DPP10: variants seen among roughly 807,000 people sequenced by gnomAD.
DPP10 encodes the protein dipeptidyl peptidase like 10.
Under a neutral mutation model 120.9 loss-of-function variants are expected in DPP10, and 33 were observed. That is an observed-to-expected ratio of 0.27 (90% CI 0.21 to 0.37). DPP10 has a LOEUF of 0.37. Ranked by LOEUF, DPP10 falls within the 10% of genes least tolerant of loss-of-function variation. The probability of loss-of-function intolerance (pLI) is 1.00; values close to 1 mark genes in which losing one functional copy is unlikely to be tolerated. For missense variants in DPP10, 816 were observed against 942.8 expected, an observed-to-expected ratio of 0.87 and a Z score of 1.76; for synonymous variants, 337 against 326.1, an observed-to-expected ratio of 1.03 and a Z score of -0.36.
At chr2:114,780,129 G>C (rs917075528) in intron 1 of DPP10, among the ~76,000 whole-genome samples, 13 of 151,936 alleles carry the variant, frequency 8.6e-5, no homozygotes, top group East Asian at 7.8e-4. Context: ...AAGCGAGACT[G>C]CGTCTCAAAA....
At chr2:114,913,535 T>G (rs1403293033) in intron 1 of DPP10, among the ~76,000 whole-genome samples, 2 of 152,172 alleles carry the variant, frequency 1.3e-5, no homozygotes, top group African/African-American at 2.4e-5. Flanking sequence ...GCCGATCATC[T>G]AAATTCGACT....
chr2:115,434,906 C>T (rs2104808913), intron 3 of DPP10, among the ~76,000 whole-genome samples: 1 of 151,830 alleles, frequency 6.6e-6, no homozygotes, highest in East Asian at 1.9e-4. Flanking sequence ...TTTTAGCTTC[C>T]ACATGAGTGA....
At chr2:115,560,507 A>AAATTATCT (rs1169487290) in intron 5 of DPP10, among the ~76,000 whole-genome samples, 2 of 136,694 alleles carry the variant, frequency 1.5e-5, no homozygotes, top group Non-Finnish European at 3.1e-5. Flanking sequence ...CAATCTTCAA[A>AAATTATCT]AATTATCTTG....
intron 19 of DPP10, among the ~76,000 whole-genome samples, chr2:115,807,113 C>A (rs1225761561): frequency 1.3e-5 from 2 of 152,152 alleles, no homozygotes; most frequent in African/African-American, 4.8e-5. Flanking sequence ...AAGAAAAGAT[C>A]ATCAAAGCCT....
intron 1 of DPP10, among the ~76,000 whole-genome samples, chr2:114,869,086 T>A (rs920844129): frequency 2.6e-5 from 4 of 152,116 alleles, no homozygotes; most frequent in Non-Finnish European, 2.9e-5. Context: ...TTATTTTATT[T>A]AAGAAGGATT....
intron 12 of DPP10, among the ~76,000 whole-genome samples, chr2:115,767,340 G>A (rs1680883405): frequency 6.6e-6 from 1 of 152,048 alleles, no homozygotes; most frequent in Non-Finnish European, 1.5e-5. Context: ...CCATATCAAA[G>A]CCTTTCTTTA....
At chr2:114,603,502 AG>A (rs1458812583) in intron 1 of DPP10, among the ~76,000 whole-genome samples, 7 of 152,082 alleles carry the variant, frequency 4.6e-5, no homozygotes, top group African/African-American at 1.7e-4. Context: ...CTCCAAACAT[AG>A]TACCTAAGAC....
intron 3 of DPP10, among the ~76,000 whole-genome samples, chr2:115,419,477 G>T (rs550287078): frequency 1.3e-5 from 2 of 152,068 alleles, no homozygotes; most frequent in Admixed American, 1.3e-4. Flanking sequence ...TTTCTAATGA[G>T]CTAGTAGAGG....
chr2:114,775,142 G>A (rs1681612232), intron 1 of DPP10, among the ~76,000 whole-genome samples: 1 of 152,066 alleles, frequency 6.6e-6, no homozygotes, highest in African/African-American at 2.4e-5. Flanking sequence ...CAATTAGAAG[G>A]TAAGAATTAT....
intron 5 of DPP10, among the ~76,000 whole-genome samples, chr2:115,620,156 T>C (rs2084838075): frequency 6.6e-6 from 1 of 152,218 alleles, no homozygotes; most frequent in African/African-American, 2.4e-5. Context: ...AACAGAGCGC[T>C]GGGCCAGGCT....
At chr2:114,961,027 A>G (rs1459740283) in intron 1 of DPP10, among the ~76,000 whole-genome samples, 1 of 124,376 alleles carries the variant, frequency 8.0e-6, no homozygotes, top group Non-Finnish European at 1.6e-5. Flanking sequence ...CTACATCTCT[A>G]TACGCCTTTT....
At chr2:115,177,411 C>T (rs1030008382) in intron 1 of DPP10, among the ~76,000 whole-genome samples, 7 of 152,076 alleles carry the variant, frequency 4.6e-5, no homozygotes, top group African/African-American at 4.8e-5. Context: ...TTGTTTAGTT[C>T]GGCAGTCGGT....
intron 3 of DPP10, among the ~76,000 whole-genome samples, chr2:115,374,000 T>A (rs1454158068): frequency 3.3e-5 from 5 of 151,976 alleles, no homozygotes; most frequent in African/African-American, 9.7e-5. Flanking sequence ...TGCCCCCATG[T>A]TCCAGTCACC....
At chr2:115,631,689 A>T (rs1247663365) in intron 5 of DPP10, among the ~76,000 whole-genome samples, 2 of 152,176 alleles carry the variant, frequency 1.3e-5, no homozygotes, top group Non-Finnish European at 1.5e-5. Flanking sequence ...ATTCAGGAGC[A>T]GGTTGTTCAA....
intron 1 of DPP10, among the ~76,000 whole-genome samples, chr2:114,676,866 A>G (rs1018657397): frequency 2.0e-5 from 3 of 152,114 alleles, no homozygotes; most frequent in Non-Finnish European, 2.9e-5. Context: ...CCCATAATTG[A>G]ATTCAATTGA....
chr2:115,716,309 T>C (rs1027024270), intron 7 of DPP10, among the ~76,000 whole-genome samples: 3 of 152,210 alleles, frequency 2.0e-5, no homozygotes, highest in Non-Finnish European at 4.4e-5. Flanking sequence ...TTGAATACTT[T>C]TTGACATGCT....
At chr2:115,672,042 A>G (rs2089917168) in intron 5 of DPP10, among the ~76,000 whole-genome samples, 1 of 152,340 alleles carries the variant, frequency 6.6e-6, no homozygotes, top group Admixed American at 6.5e-5. Context: ...GTCTACCATC[A>G]TATACTCAGT....
intron 1 of DPP10, among the ~76,000 whole-genome samples, chr2:115,088,768 A>AAAAAAAAAAACC (rs775985067): frequency 1.5e-5 from 2 of 134,830 alleles, no homozygotes; most frequent in South Asian, 2.3e-4. Flanking sequence ...AAAAAAAAAA[A>AAAAAAAAAAACC]ACCAAAAAAC....
intron 4 of DPP10, among the ~76,000 whole-genome samples, chr2:115,502,871 CA>C (rs2076755268): frequency 4.9e-5 from 1 of 20,426 alleles, no homozygotes; most frequent in South Asian, 6.7e-3. Context: ...TTTTTTAAAA[CA>C]GTTTTTTTTT....
Sources: allele counts gnomAD v4.1 joint callset (sites outside exome capture counted in the v4.1 genomes callset), GRCh38; gene constraint gnomAD v4.1.1; transcripts MANE v1.5; gene names NCBI Gene and HGNC (gene_info 2026-07-23, HGNC 2026-07-21).